The following RAP1B variants were observed in gnomAD, a reference collection of about 807,000 sequenced individuals.
RAP1B encodes the protein ras-related protein Rap-1b.
Under a neutral mutation model 27.5 loss-of-function variants are expected in RAP1B, and 1 was observed. The observed-to-expected ratio is 0.04, with a 90% CI of 0.01 to 0.17. The LOEUF is 0.17. Ranked by LOEUF, RAP1B falls within the 10% of genes least tolerant of loss-of-function variation. The pLI is 1.00. For missense variants in RAP1B, 84 were observed against 214.8 expected (o/e 0.39, Z 3.81); for synonymous variants, 75 against 73.1 (o/e 1.03, Z -0.13).
At chr12:68,655,026 C>A (rs758292030) in intron 5 of RAP1B, among the ~76,000 whole-genome samples, 2 of 152,078 alleles carry the variant, frequency 1.3e-5, no homozygotes, top group Non-Finnish European at 2.9e-5. Context: ...ACTGTAAGAA[C>A]CAGGCTGGGC....
At chr12:68,640,110 A>T (rs1565666896) in intron 1 of RAP1B, among the ~76,000 whole-genome samples, 1 of 152,146 alleles carries the variant, frequency 6.6e-6, no homozygotes, top group Non-Finnish European at 1.5e-5. Flanking sequence ...GAGTGCTGGG[A>T]TTACAGGCAT....
In RAP1B at chr12:68,671,265, T is replaced by G. The variant is rs777426408; in HGVS notation, c.*12016T>G. ...GGGCAAGAAATGAATCATTTATTGC[T>G]GATGGAAATGTGCATTGTAGAGCTG... On this transcript the variant is annotated 3_prime_UTR_variant, in exon 8 of 8. Transcript: ENST00000250559. The G allele has an allele frequency of 1.3e-5, 2 of 152,132 alleles. No individual in the cohort carries two copies. Among genetic ancestry groups the G allele is most frequent in the Non-Finnish European group, 2.9e-5 (2 of 68,038 alleles). 9.4% of individuals were successfully genotyped at this position (152,132 alleles called of 1,614,324 possible). A position where few individuals can be genotyped will look rare whatever the true frequency, so the allele number is the denominator to read the frequency against.
intron 1 of RAP1B, among the ~76,000 whole-genome samples, chr12:68,632,420 C>T (rs959449833): frequency 6.6e-6 from 1 of 152,110 alleles, no homozygotes; most frequent in African/African-American, 2.4e-5. Context: ...AGGCATGAGC[C>T]ACTATGCCCA....
chr12:68,616,032 C>T (rs968176593), intron 1 of RAP1B, among the ~76,000 whole-genome samples: 1 of 151,770 alleles, frequency 6.6e-6, no homozygotes, highest in Non-Finnish European at 1.5e-5. Context: ...GGCACGGTCT[C>T]CGCTCACTGC....
In RAP1B at chr12:68,666,336, G is replaced by T. The variant is rs570257865; in HGVS notation, c.*7087G>T. 1 of 152,280 alleles carries T rather than the reference G, an allele frequency of 6.6e-6. No homozygotes were observed. Among genetic ancestry groups the T allele is most frequent in the African/African-American group, 2.4e-5 (1 of 41,558 alleles). The allele number at this position is 152,280 out of a possible 1,614,324, so 9.4% of individuals were successfully genotyped here. On this transcript the variant is annotated 3_prime_UTR_variant, in exon 8 of 8. Transcript: ENST00000250559. ...TCTATTGTTTTCTAAAAAAAAGTTAGTGTCCTAGTTTAAAAGTATATATTA... is the reference window on the plus strand; with the variant it reads ...TCTATTGTTTTCTAAAAAAAAGTTATTGTCCTAGTTTAAAAGTATATATTA...
At position 68,664,861 on chromosome 12, in the gene RAP1B, A is replaced by C. The variant is rs984101356; in HGVS notation, c.*5612A>C. Reference sequence around the variant, plus strand: ...ATCCATACTAAAGCAAGTGACTCATAATAAAAATTGTTATTTTGTAAAATA... The same window carrying C: ...ATCCATACTAAAGCAAGTGACTCATCATAAAAATTGTTATTTTGTAAAATA... On this transcript the variant is annotated 3_prime_UTR_variant, in exon 8 of 8. Coordinates refer to ENST00000250559, the MANE Select transcript of RAP1B (RefSeq NM_001010942.3). 5.3e-5 allele frequency: 8 copies of C among 152,250 alleles called. No homozygotes were observed. The highest frequency in any genetic ancestry group is 1.7e-4 in the African/African-American group (7 of 41,470). The allele number at this position is 152,250 out of a possible 1,614,324, so 9.4% of individuals were successfully genotyped here.
chr12:68,668,698 G>C lies in RAP1B; in HGVS notation c.*9449G>C, dbSNP rs1406718173. On this transcript the variant is annotated 3_prime_UTR_variant, in exon 8 of 8. Coordinates refer to ENST00000250559, the MANE Select transcript of RAP1B (RefSeq NM_001010942.3). ...AAATAGAAGTTTAAGAAAGCTGTCAGGTAGGCGCCTCAAATTCATTTAAAA... is the reference window on the plus strand; with the variant it reads ...AAATAGAAGTTTAAGAAAGCTGTCACGTAGGCGCCTCAAATTCATTTAAAA... The C allele has an allele frequency of 6.6e-6, 1 of 151,966 alleles. No homozygotes were observed. Among genetic ancestry groups the C allele is most frequent in the Non-Finnish European group, 1.5e-5 (1 of 68,024 alleles). 9.4% of individuals were successfully genotyped at this position (151,966 alleles called of 1,614,324 possible). A position where few individuals can be genotyped will look rare whatever the true frequency, so the allele number is the denominator to read the frequency against.
At position 68,632,129 on chromosome 12, in the gene RAP1B, G is replaced by GTTT. The variant is rs796286462; in HGVS notation, c.-26-16556_-26-16554dup. ...AAACAGTTTTTTGGGTTTTGGATTT[G>GTTT]TTTTTTTTTTTTTTTTGTTTGTTTT... is the stretch of plus-strand genomic sequence containing the variant. On this transcript the variant is annotated intron_variant, in intron 1 of 7. Coordinates refer to ENST00000250559, the MANE Select transcript of RAP1B (RefSeq NM_001010942.3). Among the ~76,000 whole-genome samples the GTTT allele has an allele frequency of 9.2e-4, 96 of 104,356 alleles. 2 individuals carry two copies. Among genetic ancestry groups the GTTT allele is most frequent in the African/African-American group, 1.5e-3 (34 of 23,328 alleles). 68.5% of individuals were successfully genotyped at this position (104,356 alleles called of 152,430 possible). A position where few individuals can be genotyped will look rare whatever the true frequency, so the allele number is the denominator to read the frequency against.
intron 1 of RAP1B, among the ~76,000 whole-genome samples, chr12:68,612,934 A>C (rs1486369540): frequency 6.6e-6 from 1 of 152,242 alleles, no homozygotes; most frequent in Non-Finnish European, 1.5e-5. Flanking sequence ...TTATCTAAGG[A>C]AGTCCTAAAG....
chr12:68,650,391 T>G lies in RAP1B; in HGVS notation c.58-9T>G. The G allele has an allele frequency of 1.3e-6, 2 of 1,540,994 alleles. No individual in the cohort carries two copies. Among genetic ancestry groups the G allele is most frequent in the Non-Finnish European group, 1.8e-6 (2 of 1,141,914 alleles). ...TAGAAGTATAATGGTTTCTTAATTTTTTTTTCAGACTGTACAATTTGTTCA... is the reference window on the plus strand; with the variant it reads ...TAGAAGTATAATGGTTTCTTAATTTGTTTTTCAGACTGTACAATTTGTTCA... On this transcript the variant is annotated splice_polypyrimidine_tract_variant and intron_variant, in intron 2 of 7. Transcript: ENST00000250559.
chr12:68,611,771 C>T lies in RAP1B; in HGVS notation c.-27+728C>T, dbSNP rs1443092890. Among the ~76,000 whole-genome samples, 13 of 152,172 alleles carry T rather than the reference C, an allele frequency of 8.5e-5. No homozygotes were observed. The East Asian group carries it at 2.1e-3, about 25-fold the overall frequency. On this transcript the variant is annotated intron_variant, in intron 1 of 7. Coordinates refer to ENST00000250559, the MANE Select transcript of RAP1B (RefSeq NM_001010942.3). ...TCCCTTCGTCAGCAAGAGGAAATCT[C>T]TTTCTCTTAGAGGGAGAGAAAATCC...
chr12:68,642,525 C>T (rs999369873), intron 1 of RAP1B: 9 of 989,522 alleles, frequency 9.1e-6, no homozygotes, highest in Non-Finnish European at 1.1e-5. Flanking sequence ...TATAAATTCT[C>T]GATTAGTTGG....
At chr12:68,657,054 G>A in intron 6 of RAP1B, 47 bp from the exon 7 acceptor site, 2 of 1,437,006 alleles carry the variant, frequency 1.4e-6, no homozygotes, top group Non-Finnish European at 1.9e-6. Flanking sequence ...TCATTGGGGG[G>A]GATAGGTGTT....
Position 68,666,545 on chromosome 12 carries a change from A to G in RAP1B, c.*7296A>G, listed in dbSNP as rs1293369368. 6.6e-6 allele frequency: 1 copy of G among 152,208 alleles called. No individual in the cohort carries two copies. The highest frequency in any genetic ancestry group is 2.4e-5 in the African/African-American group (1 of 41,458). The allele number at this position is 152,208 out of a possible 1,614,324, so 9.4% of individuals were successfully genotyped here. ...ACATCACATGTGCCTCTATCTTTGT[A>G]TCTCCTCCTCTCTATAATCTTTCTT... On this transcript the variant is annotated 3_prime_UTR_variant, in exon 8 of 8. Coordinates refer to ENST00000250559, the MANE Select transcript of RAP1B (RefSeq NM_001010942.3).
At chr12:68,611,188 G>A (rs2277392) in intron 1 of RAP1B, 145 bp downstream of exon 1, 14,541 of 146,088 alleles carry the variant, frequency 0.1, 784 homozygotes, top group East Asian at 0.24. Flanking sequence ...CAGCCCCTCG[G>A]CGCGCGGCAG....
intron 1 of RAP1B, among the ~76,000 whole-genome samples, chr12:68,629,512 TGAA>T (rs1872079808): frequency 6.6e-6 from 1 of 152,210 alleles, no homozygotes; most frequent in Non-Finnish European, 1.5e-5. Flanking sequence ...TTTAACCACT[TGAA>T]GAATCTAAAT....
At chr12:68,634,188 A>G (rs1170142456) in intron 1 of RAP1B, among the ~76,000 whole-genome samples, 1 of 152,250 alleles carries the variant, frequency 6.6e-6, no homozygotes, top group Non-Finnish European at 1.5e-5. Context: ...TAATTTTAAA[A>G]AATAGCAAAT....
chr12:68,611,232 G>A (rs1362552003), intron 1 of RAP1B, among the ~76,000 whole-genome samples, 189 bp downstream of exon 1: 1 of 147,830 alleles, frequency 6.8e-6, no homozygotes, highest in African/African-American at 2.4e-5. Flanking sequence ...GCCCGCGAGC[G>A]CGCTGCCTTG....
intron 1 of RAP1B, among the ~76,000 whole-genome samples, chr12:68,615,199 G>T (rs959164543): frequency 2.8e-4 from 43 of 152,218 alleles, no homozygotes; most frequent in African/African-American, 9.6e-4. Flanking sequence ...GATTATTTAA[G>T]CAGTAATTTA....
Sources: gnomAD v4.1 joint callset for allele counts (sites outside exome capture counted in the v4.1 genomes callset) on GRCh38, gnomAD v4.1.1 for gene constraint, MANE v1.5 for transcripts, NCBI Gene and HGNC (gene_info 2026-07-23, HGNC 2026-07-21) for gene names.